The following LMX1A variants were observed in gnomAD, a reference collection of about 807,000 sequenced individuals.
LMX1A encodes LIM homeobox transcription factor 1-alpha.
In LMX1A, 15 loss-of-function variants were observed where a neutral mutation model predicts 49.1. The observed-to-expected ratio is 0.31, with a 90% CI of 0.20 to 0.47. The LOEUF is 0.47. LMX1A is among the 20% of genes least tolerant of loss of function. LMX1A has a pLI of 1.00. For missense variants in LMX1A, 372 were observed against 475.8 expected (o/e 0.78, Z 2.03); for synonymous variants, 167 against 185.7 (o/e 0.90, Z 0.82).
chr1:165,336,518 T>C (rs1351231515), intron 3 of LMX1A, among the ~76,000 whole-genome samples: 2 of 152,162 alleles, frequency 1.3e-5, no homozygotes, highest in South Asian at 4.2e-4. Context: ...AAGAATAAAG[T>C]AATGGTGCTA....
intron 3 of LMX1A, among the ~76,000 whole-genome samples, chr1:165,312,200 G>T (rs1419038043): frequency 6.6e-6 from 1 of 152,146 alleles, no homozygotes; most frequent in East Asian, 1.9e-4. Flanking sequence ...CCAGGGCCAT[G>T]AGAACAAGGA....
chr1:165,206,043 C>A lies in LMX1A; in HGVS notation c.818-9G>T, dbSNP rs750887427. 1 of 1,529,702 alleles carries A rather than the reference C, an allele frequency of 6.5e-7. No homozygotes were observed. The allele number at this position is 1,529,702 out of a possible 1,614,324, so 94.8% of individuals were successfully genotyped here. A position where few individuals can be genotyped will look rare whatever the true frequency, so the allele number is the denominator to read the frequency against. ...ACCACCGTTTGTCTGAGCTGTGGAA[C>A]AAAGAAGAAGCCAGGTCATTCTCAA... On this transcript the variant is annotated splice_polypyrimidine_tract_variant and intron_variant, in intron 7 of 8. Transcript: ENST00000342310.
chr1:165,241,541 TG>T (rs1016024738), intron 4 of LMX1A, among the ~76,000 whole-genome samples: 19 of 152,204 alleles, frequency 1.2e-4, no homozygotes, highest in African/African-American at 4.6e-4. Flanking sequence ...TCACACTGCT[TG>T]TGAGTGTAGG....
At chr1:165,288,534 G>A (rs1654363599) in intron 3 of LMX1A, among the ~76,000 whole-genome samples, 2 of 152,106 alleles carry the variant, frequency 1.3e-5, no homozygotes, top group Non-Finnish European at 1.5e-5. Context: ...CCCCTCCTGG[G>A]CCGGTCCTGC....
chr1:165,264,912 A>G (rs1300832636), intron 3 of LMX1A, among the ~76,000 whole-genome samples: 1 of 151,964 alleles, frequency 6.6e-6, no homozygotes, highest in African/African-American at 2.4e-5. Context: ...GCCTCGAAAT[A>G]AAAAAGGAAG....
At position 165,332,275 on chromosome 1, in the gene LMX1A, G is replaced by T. The variant is rs139586715; in HGVS notation, c.263+20801C>A. Among the ~76,000 whole-genome samples the T allele has an allele frequency of 9.6e-3, 1,464 of 152,196 alleles. 15 individuals carry two copies. The highest frequency in any genetic ancestry group is 0.033 in the African/African-American group (1,368 of 41,526). ...AAGTAAATAGCAAAATGGTAGACCTGGCTCTGACTGTATCAATAATTAAAT... is the reference window on the plus strand; with the variant it reads ...AAGTAAATAGCAAAATGGTAGACCTTGCTCTGACTGTATCAATAATTAAAT... On this transcript the variant is annotated intron_variant, in intron 3 of 8. Coordinates refer to ENST00000342310, the MANE Select transcript of LMX1A (RefSeq NM_177398.4).
intron 3 of LMX1A, among the ~76,000 whole-genome samples, chr1:165,340,491 T>G (rs1402359261): frequency 6.6e-6 from 1 of 152,172 alleles, no homozygotes; most frequent in African/African-American, 2.4e-5. Flanking sequence ...TCTGATGTTC[T>G]CCCCTGCCTC....
intron 3 of LMX1A, among the ~76,000 whole-genome samples, chr1:165,280,625 G>A (rs1654116617): frequency 6.6e-6 from 1 of 152,176 alleles, no homozygotes; most frequent in Admixed American, 6.5e-5. Context: ...AGTGCTATTA[G>A]TATTCATGCA....
intron 3 of LMX1A, among the ~76,000 whole-genome samples, chr1:165,284,368 G>C (rs1419855810): frequency 1.3e-5 from 2 of 152,212 alleles, no homozygotes; most frequent in African/African-American, 4.8e-5. Context: ...GATTACCTTG[G>C]CTCCATGCGT....
intron 3 of LMX1A, among the ~76,000 whole-genome samples, chr1:165,294,848 C>A (rs1019941378): frequency 6.6e-6 from 1 of 152,106 alleles, no homozygotes; most frequent in Non-Finnish European, 1.5e-5. Context: ...CTTGTAATCC[C>A]AGCTACATGG....
At chr1:165,307,242 C>T (rs530668963) in intron 3 of LMX1A, among the ~76,000 whole-genome samples, 3 of 152,172 alleles carry the variant, frequency 2.0e-5, no homozygotes, top group African/African-American at 7.2e-5. Context: ...AAAGTGGGAG[C>T]GCAACTACAA....
In LMX1A at chr1:165,302,301, G is replaced by A. The variant is rs558865944; in HGVS notation, c.263+50775C>T. Among the ~76,000 whole-genome samples the A allele has an allele frequency of 1.8e-3, 277 of 152,022 alleles. 1 individual carries two copies. Among genetic ancestry groups the A allele is most frequent in the South Asian group, 6.5e-3 (31 of 4,804 alleles). ...TCTACTAAAAATACAAAAATTAGCC[G>A]GGTGTTGTGGTGCATGCGTGTAATC... On this transcript the variant is annotated intron_variant, in intron 3 of 8. Transcript: ENST00000342310.
intron 3 of LMX1A, among the ~76,000 whole-genome samples, chr1:165,272,895 G>A (rs12563462): frequency 0.049 from 7,431 of 152,246 alleles, 281 homozygotes; most frequent in East Asian, 0.12. Flanking sequence ...AGGAAGTAAG[G>A]ACTTAGATCT....
chr1:165,247,448 A>C (rs1168454965), intron 4 of LMX1A, among the ~76,000 whole-genome samples: 2 of 152,110 alleles, frequency 1.3e-5, no homozygotes. Flanking sequence ...TACCCATTAG[A>C]ATGGGCCCAA....
At chr1:165,331,759 A>T (rs555340681) in intron 3 of LMX1A, among the ~76,000 whole-genome samples, 1 of 152,270 alleles carries the variant, frequency 6.6e-6, no homozygotes, top group Admixed American at 6.5e-5. Context: ...TCTACTAAAA[A>T]TACAAAAATT....
intron 3 of LMX1A, among the ~76,000 whole-genome samples, chr1:165,326,417 C>T (rs1221738371): frequency 2.6e-5 from 4 of 152,348 alleles, no homozygotes; most frequent in African/African-American, 9.6e-5. Flanking sequence ...GTGTTCCTCT[C>T]TCTCCTGCTT....
At chr1:165,306,138 T>A (rs1285113680) in intron 3 of LMX1A, among the ~76,000 whole-genome samples, 1 of 152,180 alleles carries the variant, frequency 6.6e-6, no homozygotes, top group Non-Finnish European at 1.5e-5. Flanking sequence ...TCAGACATCC[T>A]TTACTCCTCC....
intron 4 of LMX1A, among the ~76,000 whole-genome samples, chr1:165,227,904 G>A (rs964458999): frequency 6.6e-6 from 1 of 152,074 alleles, no homozygotes; most frequent in Non-Finnish European, 1.5e-5. Context: ...AGTCATACAA[G>A]CAGATAATTA....
At chr1:165,230,796 G>T (rs912393397) in intron 4 of LMX1A, among the ~76,000 whole-genome samples, 2 of 152,176 alleles carry the variant, frequency 1.3e-5, no homozygotes, top group African/African-American at 4.8e-5. Flanking sequence ...CCAAATCTAG[G>T]ATTCAAGTCT....
Sources: allele counts gnomAD v4.1 joint callset (sites outside exome capture counted in the v4.1 genomes callset), GRCh38; gene constraint gnomAD v4.1.1; transcripts MANE v1.5; gene names NCBI Gene and HGNC (gene_info 2026-07-23, HGNC 2026-07-21).